Variants in EPHX1 observed in about 807,000 individuals in gnomAD.
EPHX1 encodes epoxide hydratase.
In EPHX1, 40 loss-of-function variants were observed where a neutral mutation model predicts 43.2. The observed-to-expected ratio is 0.93, with a 90% CI of 0.72 to 1.21. The LOEUF is 1.21. EPHX1 is among the 50% of genes most tolerant of loss of function. The probability of loss-of-function intolerance (pLI) is 0.00; values close to 1 mark genes in which losing one functional copy is unlikely to be tolerated. For synonymous variants in EPHX1, 221 were observed against 226.7 expected (o/e 0.98, Z 0.22); for missense variants, 550 against 570.4 (o/e 0.96, Z 0.36).
intron 1 of EPHX1, 87 bp from the exon 2 acceptor site, chr1:225,828,638 A>G: frequency 3.6e-6 from 5 of 1,389,636 alleles, no homozygotes; most frequent in Middle Eastern, 2.5e-4. Flanking sequence ...GCGCAGCAGG[A>G]AAGAGCCTGC....
chr1:225,828,887 T>A lies in EPHX1; in HGVS notation c.158T>A (p.Val53Glu). The A allele has an allele frequency of 6.3e-7, 1 of 1,588,654 alleles. No individual in the cohort carries two copies. The highest frequency in any genetic ancestry group is 8.6e-7 in the Non-Finnish European group (1 of 1,165,728). The part of the protein sequence containing the change: ...REDDSIRPFK[V>E]ETSDEEIHDL... Reference sequence around the variant, plus strand: ...GACGACAGCATCCGCCCTTTCAAGGTGGAAACGTCAGATGAGGAGATCCAC... The same window carrying A: ...GACGACAGCATCCGCCCTTTCAAGGAGGAAACGTCAGATGAGGAGATCCAC... Residue 53 changes from valine to glutamate, a missense_variant, in exon 2 of 9, where the codon GTG becomes GAG. Physicochemically the swap from Val to Glu is moderately radical, Grantham distance 121 (BLOSUM62 -2). Transcript: ENST00000272167.
In EPHX1 at chr1:225,844,352, G is replaced by A. The variant is rs1052371375; in HGVS notation, c.1041-146G>A. On this transcript the variant is annotated intron_variant, in intron 7 of 8. Coordinates refer to ENST00000272167, the MANE Select transcript of EPHX1 (RefSeq NM_001136018.4). Reference sequence around the variant, plus strand: ...AGTGCCCTGGGCGCAGCCTGCCTGTGACACGAGGATACCACACACGTTGCA... The same window carrying A: ...AGTGCCCTGGGCGCAGCCTGCCTGTAACACGAGGATACCACACACGTTGCA... 1.5e-5 allele frequency: 20 copies of A among 1,291,896 alleles called. No individual in the cohort carries two copies. In the African/African-American group the frequency reaches 2.9e-4, roughly 19 times the overall value. 80.0% of individuals were successfully genotyped at this position (1,291,896 alleles called of 1,614,324 possible).
At chr1:225,811,166 C>T (rs536873362) in intron 1 of EPHX1, among the ~76,000 whole-genome samples, 2 of 152,284 alleles carry the variant, frequency 1.3e-5, no homozygotes, top group African/African-American at 4.8e-5. Flanking sequence ...GCAAAAGCGC[C>T]GCGGAGACCG....
chr1:225,818,993 G>A (rs554229956), intron 1 of EPHX1, among the ~76,000 whole-genome samples: 12 of 150,838 alleles, frequency 8.0e-5, no homozygotes, highest in African/African-American at 2.7e-4. Context: ...TTTGGGAGGC[G>A]GAGGCGGGCG....
intron 1 of EPHX1, among the ~76,000 whole-genome samples, chr1:225,820,743 C>T (rs1016353282): frequency 3.3e-5 from 5 of 152,012 alleles, no homozygotes; most frequent in African/African-American, 9.7e-5. Flanking sequence ...GCTCAATGAC[C>T]CCTTCTCTGT....
At chr1:225,839,738 C>T (rs955084555) in intron 5 of EPHX1, 91 bp from the exon 6 acceptor site, 2 of 1,378,576 alleles carry the variant, frequency 1.5e-6, no homozygotes, top group South Asian at 1.2e-5. Context: ...GCTCGCTCCT[C>T]AGCCCTGAGG....
At chr1:225,813,743 C>T (rs967152669) in intron 1 of EPHX1, among the ~76,000 whole-genome samples, 1 of 152,214 alleles carries the variant, frequency 6.6e-6, no homozygotes, top group Non-Finnish European at 1.5e-5. Flanking sequence ...GTGGAGTCCT[C>T]ATGCCCACCC....
intron 1 of EPHX1, among the ~76,000 whole-genome samples, chr1:225,818,540 G>C (rs991784463): frequency 6.6e-6 from 1 of 152,172 alleles, no homozygotes; most frequent in Non-Finnish European, 1.5e-5. Context: ...AGAGGGATTC[G>C]CCTTCATAAA....
intron 6 of EPHX1, among the ~76,000 whole-genome samples, chr1:225,841,601 CTTTTTT>C (rs35827447): frequency 6.7e-5 from 7 of 104,426 alleles, no homozygotes; most frequent in Admixed American, 6.4e-4. Context: ...CTGTCCCAGC[CTTTTTT>C]TTTTTTTTTT....
chr1:225,824,786 G>C (rs1375298044), intron 1 of EPHX1, among the ~76,000 whole-genome samples: 1 of 152,208 alleles, frequency 6.6e-6, no homozygotes, highest in Non-Finnish European at 1.5e-5. Flanking sequence ...AAGAAGGACT[G>C]TTCATGTGGG....
intron 7 of EPHX1, 116 bp downstream of exon 7, chr1:225,842,590 T>C: frequency 3.6e-6 from 3 of 829,060 alleles, no homozygotes; most frequent in Non-Finnish European, 6.3e-6. Context: ...ATTCTATTGT[T>C]GGCTTTCTTA....
chr1:225,810,414 A>C (rs947395509), intron 1 of EPHX1: 3 of 150,692 alleles, frequency 2.0e-5, no homozygotes, highest in African/African-American at 7.5e-5. Flanking sequence ...TCTCGCAGGG[A>C]ATTCCGCGTC....
At chr1:225,829,594 G>A (rs897222495) in intron 2 of EPHX1, among the ~76,000 whole-genome samples, 2 of 152,140 alleles carry the variant, frequency 1.3e-5, no homozygotes, top group South Asian at 2.1e-4. Context: ...AGGCTTGAGT[G>A]GGGGACAGGA....
At position 225,840,672 on chromosome 1, in the gene EPHX1, G is replaced by T. The variant is rs896918365; in HGVS notation, c.931+635G>T. On this transcript the variant is annotated intron_variant, in intron 6 of 8. Coordinates refer to ENST00000272167, the MANE Select transcript of EPHX1 (RefSeq NM_001136018.4). The stretch of plus-strand genomic sequence containing the variant: ...TTGCCTCTATGAACAAGAGTCATTC[G>T]CATTACCCTCAGTTCTTTACAATTC... 2.6e-5 allele frequency among the ~76,000 whole-genome samples: 4 copies of T among 152,118 alleles called. No homozygotes were observed. The East Asian group carries it at 7.7e-4, about 29-fold the overall frequency.
Position 225,845,554 on chromosome 1 carries a change from T to G in EPHX1, c.*207T>G. The G allele has an allele frequency of 1.6e-6, 1 of 611,020 alleles. No individual in the cohort carries two copies. Among genetic ancestry groups the G allele is most frequent in the Non-Finnish European group, 2.9e-6 (1 of 347,544 alleles). The allele number at this position is 611,020 out of a possible 1,614,324, so 37.8% of individuals were successfully genotyped here. On this transcript the variant is annotated 3_prime_UTR_variant, in exon 9 of 9. Coordinates refer to ENST00000272167, the MANE Select transcript of EPHX1 (RefSeq NM_001136018.4). ...ACATGGCTTTGATGATAAACGACTT[T>G]ACTCTAAAAGCGGCTGGAACTCAGT...
Position 225,817,567 on chromosome 1 carries a change from A to G in EPHX1, c.-6+7398A>G, listed in dbSNP as rs925925110. Among the ~76,000 whole-genome samples the G allele has an allele frequency of 6.6e-6, 1 of 151,962 alleles. No homozygotes were observed. The highest frequency in any genetic ancestry group is 2.4e-5 in the African/African-American group (1 of 41,358). Reference sequence around the variant, plus strand: ...AGCAGCAGACCCTCCAAGCCCACCTACCTCTCTGGCCTGGCATCTGAGGGG... The same window carrying G: ...AGCAGCAGACCCTCCAAGCCCACCTGCCTCTCTGGCCTGGCATCTGAGGGG... On this transcript the variant is annotated intron_variant, in intron 1 of 8. Coordinates refer to ENST00000272167, the MANE Select transcript of EPHX1 (RefSeq NM_001136018.4). This position sits in a 1 kb window ranked among gnomAD's most constrained non-coding sequence, Gnocchi z 5.7.
At chr1:225,813,375 G>T (rs1191715223) in intron 1 of EPHX1, among the ~76,000 whole-genome samples, 1 of 152,190 alleles carries the variant, frequency 6.6e-6, no homozygotes, top group East Asian at 1.9e-4. Context: ...TCTCCAAGGG[G>T]CTGTGGGATA....
chr1:225,813,488 A>G (rs1395238033), intron 1 of EPHX1, among the ~76,000 whole-genome samples: 1 of 152,134 alleles, frequency 6.6e-6, no homozygotes, highest in African/African-American at 2.4e-5. Context: ...AGGAGGGAGG[A>G]GCTGGTGGGC....
intron 1 of EPHX1, among the ~76,000 whole-genome samples, chr1:225,821,032 CT>C (rs1239548079): frequency 1.2e-4 from 19 of 152,164 alleles, no homozygotes; most frequent in African/African-American, 4.3e-4. Context: ...CTCTTATTTA[CT>C]TTAAAAAACA....
Sources: allele counts gnomAD v4.1 joint callset (sites outside exome capture counted in the v4.1 genomes callset), GRCh38; gene constraint gnomAD v4.1.1; non-coding constraint Gnocchi (gnomAD v3.1); transcripts MANE v1.5; gene names NCBI Gene and HGNC (gene_info 2026-07-23, HGNC 2026-07-21).